Variants in TFDP2 observed in about 807,000 individuals in gnomAD.
TFDP2 encodes the protein transcription factor Dp-2.
Under a neutral mutation model 59.3 loss-of-function variants are expected in TFDP2, and 17 were observed. The ratio of observed to expected loss-of-function variants is 0.29; its 90% CI spans 0.20 to 0.43. The LOEUF (loss-of-function observed/expected upper bound fraction) is 0.43, where lower values mean the gene tolerates loss of function less well. TFDP2 is among the 20% of genes least tolerant of loss of function. The pLI is 1.00. For synonymous variants in TFDP2, 180 were observed against 194.7 expected, an observed-to-expected ratio of 0.92 and a Z score of 0.63; for missense variants, 391 against 528.8, an observed-to-expected ratio of 0.74 and a Z score of 2.56.
intron 3 of TFDP2, among the ~76,000 whole-genome samples, chr3:142,068,514 T>G (rs1032678563): frequency 1.3e-5 from 2 of 152,180 alleles, no homozygotes; most frequent in African/African-American, 4.8e-5. Flanking sequence ...CTGTGTATCC[T>G]TACAAGAAAC....
chr3:142,138,752 G>A (rs1379719521), intron 1 of TFDP2, among the ~76,000 whole-genome samples: 2 of 152,156 alleles, frequency 1.3e-5, no homozygotes, highest in Non-Finnish European at 2.9e-5. Flanking sequence ...TGTGATTTCT[G>A]TTATTCTACA....
At chr3:142,041,978 T>A (rs1946995411) in intron 3 of TFDP2, among the ~76,000 whole-genome samples, 1 of 152,178 alleles carries the variant, frequency 6.6e-6, no homozygotes, top group South Asian at 2.1e-4. Flanking sequence ...TTTGGGTGAG[T>A]CCATTTCTGC....
At chr3:142,029,505 T>A (rs1946320415) in intron 3 of TFDP2, among the ~76,000 whole-genome samples, 1 of 152,118 alleles carries the variant, frequency 6.6e-6, no homozygotes, top group Non-Finnish European at 1.5e-5. Context: ...TACCTAATCA[T>A]CTTACTTAGT....
At chr3:142,032,121 G>A (rs185565695) in intron 3 of TFDP2, among the ~76,000 whole-genome samples, 26 of 151,460 alleles carry the variant, frequency 1.7e-4, no homozygotes, top group Non-Finnish European at 3.1e-4. Flanking sequence ...AAGAGAGAGA[G>A]GGTTTTGTTC....
At chr3:142,096,765 G>C (rs1305194093) in intron 2 of TFDP2, among the ~76,000 whole-genome samples, 1 of 152,146 alleles carries the variant, frequency 6.6e-6, no homozygotes, top group African/African-American at 2.4e-5. Context: ...GAAATGTTCA[G>C]AGTAAGATCA....
At chr3:142,075,572 T>C (rs892940364) in intron 3 of TFDP2, among the ~76,000 whole-genome samples, 4 of 151,986 alleles carry the variant, frequency 2.6e-5, no homozygotes, top group African/African-American at 9.7e-5. Context: ...TTAGTCCCTC[T>C]CTACTGCTTT....
intron 3 of TFDP2, among the ~76,000 whole-genome samples, chr3:142,055,993 G>GCC (rs1439554040): frequency 9.0e-6 from 1 of 111,206 alleles, no homozygotes; most frequent in East Asian, 3.1e-4. Context: ...TCGCTCTGTC[G>GCC]CCCAGGCTGG....
rs1242810374 is a variant in TFDP2 at position 141,949,352 on chromosome 3, G to A, written c.*3161C>T. The A allele has an allele frequency of 2.6e-5, 4 of 152,234 alleles. No homozygotes were observed. The highest frequency in any genetic ancestry group is 1.3e-4 in the Admixed American group (2 of 15,262). The allele number at this position is 152,234 out of a possible 1,614,324, so 9.4% of individuals were successfully genotyped here. On this transcript the variant is annotated 3_prime_UTR_variant, in exon 13 of 13. Transcript: ENST00000489671. ...CTCGGGCGGTGGGTGTCGCTGAGGG[G>A]TGGAGGACCGCCATGTTGGTCGCTC...
At chr3:142,005,691 G>A (rs1395851660) in intron 3 of TFDP2, 147 bp from the exon 4 acceptor site, 1 of 510,522 alleles carries the variant, frequency 2.0e-6, no homozygotes, top group African/African-American at 2.0e-5. Flanking sequence ...ACACCTTACT[G>A]AAAAGTCATA....
intron 1 of TFDP2, among the ~76,000 whole-genome samples, chr3:142,141,961 G>A (rs577738018): frequency 6.6e-6 from 1 of 152,264 alleles, no homozygotes; most frequent in East Asian, 1.9e-4. Flanking sequence ...CATAATAAAA[G>A]CCATATATGA....
intron 1 of TFDP2, among the ~76,000 whole-genome samples, chr3:142,137,419 T>C (rs867040369): frequency 1.4e-4 from 22 of 152,306 alleles, no homozygotes; most frequent in Non-Finnish European, 2.6e-4. Context: ...CAACACTATG[T>C]TGAATAGAAG....
chr3:142,098,109 T>C (rs2061220191), intron 2 of TFDP2, among the ~76,000 whole-genome samples: 4 of 152,124 alleles, frequency 2.6e-5, no homozygotes, highest in Non-Finnish European at 5.9e-5. Flanking sequence ...TACATTTTGA[T>C]TGCTACATAT....
chr3:142,005,600 A>G, intron 3 of TFDP2, 56 bp from the exon 4 acceptor site: 1 of 1,161,882 alleles, frequency 8.6e-7, no homozygotes. Context: ...GCCATTTTCT[A>G]GCTATATACA....
intron 1 of TFDP2, among the ~76,000 whole-genome samples, chr3:142,148,210 G>A (rs1413450714): frequency 6.6e-6 from 1 of 151,988 alleles, no homozygotes; most frequent in African/African-American, 2.4e-5. Context: ...TGAGCTAAAA[G>A]AGAGCCTTAC....
Position 141,962,381 on chromosome 3 carries a change from CAG to C in TFDP2, c.884+1429_884+1430del, listed in dbSNP as rs374092198. Among the ~76,000 whole-genome samples, 255 of 151,732 alleles carry C rather than the reference CAG, an allele frequency of 1.7e-3. 2 individuals are homozygous for C. The highest frequency in any genetic ancestry group is 5.8e-3 in the African/African-American group (241 of 41,388). On this transcript the variant is annotated intron_variant, in intron 10 of 12. Coordinates refer to ENST00000489671, the MANE Select transcript of TFDP2 (RefSeq NM_001178139.2). The stretch of plus-strand genomic sequence containing the variant: ...TTTTTTCTTTTTTCTTTTTTCGAGA[CAG>C]AGTCTTGCTCTGTCGTCCAGGCTGG...
rs569770763 is a variant in TFDP2, at chr3:142,125,047, T to A, written c.-92-23206A>T. On this transcript the variant is annotated intron_variant, in intron 1 of 12. Transcript: ENST00000489671. ...TCCATCTTTACCGAAAAAAAAAAAT[T>A]TTTTTTAAATTAGCCAATCGTGGTG... Among the ~76,000 whole-genome samples the A allele has an allele frequency of 2.9e-3, 433 of 150,154 alleles. 3 individuals are homozygous for A. The highest frequency in any genetic ancestry group is 1.6e-3 in the Non-Finnish European group (108 of 67,850).
At chr3:142,089,071 C>A (rs1276339961) in intron 3 of TFDP2, among the ~76,000 whole-genome samples, 1 of 151,864 alleles carries the variant, frequency 6.6e-6, no homozygotes, top group Non-Finnish European at 1.5e-5. Flanking sequence ...TCAGGTGTTC[C>A]ACCCCCCTCA....
intron 3 of TFDP2, among the ~76,000 whole-genome samples, chr3:142,025,925 T>C (rs534379591): frequency 1.3e-5 from 2 of 152,078 alleles, no homozygotes; most frequent in East Asian, 3.9e-4. Context: ...GATCACACCA[T>C]TGCACTCCAG....
At chr3:141,965,427 T>C (rs1937819324) in intron 9 of TFDP2, among the ~76,000 whole-genome samples, 1 of 150,348 alleles carries the variant, frequency 6.7e-6, no homozygotes, top group South Asian at 2.1e-4. Flanking sequence ...AGCCTAGGAG[T>C]TGGAGGATGC....
Sources: gnomAD v4.1 joint callset for allele counts (sites outside exome capture counted in the v4.1 genomes callset) on GRCh38, gnomAD v4.1.1 for gene constraint, MANE v1.5 for transcripts, NCBI Gene and HGNC (gene_info 2026-07-23, HGNC 2026-07-21) for gene names.